NEGR1: variants seen among roughly 807,000 people sequenced by gnomAD.
The protein encoded by NEGR1 is neuronal growth regulator 1.
NEGR1 carries 10 observed loss-of-function variants against 40.9 expected under a neutral mutation model. That is an observed-to-expected ratio of 0.24 (90% confidence interval 0.15 to 0.42). The LOEUF (loss-of-function observed/expected upper bound fraction) is 0.42, where lower values mean the gene tolerates loss of function less well. NEGR1 is among the 10% of genes least tolerant of loss of function. The pLI, the probability that NEGR1 is intolerant of heterozygous loss-of-function variation, is 1.00. For synonymous variants in NEGR1, 185 were observed against 166.8 expected, an observed-to-expected ratio of 1.11 and a Z score of -0.84; for missense variants, 352 against 438.9, an observed-to-expected ratio of 0.80 and a Z score of 1.77.
chr1:72,177,774 T>G (rs1404301799), intron 1 of NEGR1, among the ~76,000 whole-genome samples: 1 of 151,634 alleles, frequency 6.6e-6, no homozygotes, highest in Non-Finnish European at 1.5e-5. Context: ...GTTTTTGTTT[T>G]TTTTTTTTTG....
At chr1:71,523,938 T>C (rs1647184476) in intron 6 of NEGR1, among the ~76,000 whole-genome samples, 1 of 151,832 alleles carries the variant, frequency 6.6e-6, no homozygotes, top group Admixed American at 6.6e-5. Context: ...ATTAGAGGGC[T>C]CATATTCTAA....
chr1:72,161,676 C>CTTTTT lies in NEGR1; in HGVS notation c.176+120638_176+120642dup, dbSNP rs779074685. On this transcript the variant is annotated intron_variant, in intron 1 of 6. Transcript: ENST00000357731. Reference sequence around the variant, plus strand: ...TTATTTATTTTTTCTTTCTTTCTTTCTTTTTTTTTTTTTTTTTTTTTGAGA... The same window carrying CTTTTT: ...TTATTTATTTTTTCTTTCTTTCTTTCTTTTTTTTTTTTTTTTTTTTTTTTTTGAGA... 5.6e-3 allele frequency among the ~76,000 whole-genome samples: 470 copies of CTTTTT among 84,536 alleles called. 2 individuals are homozygous for CTTTTT. The highest frequency in any genetic ancestry group is 6.6e-3 in the Non-Finnish European group (303 of 45,866). 55.5% of individuals were successfully genotyped at this position (84,536 alleles called of 152,430 possible). A position where few individuals can be genotyped will look rare whatever the true frequency, so the allele number is the denominator to read the frequency against.
intron 4 of NEGR1, among the ~76,000 whole-genome samples, chr1:71,669,380 A>T: frequency 6.6e-6 from 1 of 151,914 alleles, no homozygotes; most frequent in East Asian, 1.9e-4. Context: ...TGTTTTTTAA[A>T]ATCTACTTAT....
chr1:71,851,408 A>C (rs1191424176), intron 2 of NEGR1, among the ~76,000 whole-genome samples: 1 of 152,132 alleles, frequency 6.6e-6, no homozygotes, highest in Non-Finnish European at 1.5e-5. Flanking sequence ...AAAAATGCAA[A>C]TTTTCTTTTA....
chr1:71,926,716 A>C (rs939041592), intron 2 of NEGR1, among the ~76,000 whole-genome samples: 8 of 152,114 alleles, frequency 5.3e-5, no homozygotes, highest in African/African-American at 1.9e-4. Flanking sequence ...AAAATGTAAA[A>C]GAAAATATTA....
At chr1:71,483,027 A>C (rs1646864322) in intron 6 of NEGR1, among the ~76,000 whole-genome samples, 1 of 151,780 alleles carries the variant, frequency 6.6e-6, no homozygotes, top group South Asian at 2.1e-4. Context: ...TGGAAAGCGG[A>C]TAGTCAGGAT....
intron 1 of NEGR1, among the ~76,000 whole-genome samples, chr1:72,143,752 T>A: frequency 6.7e-6 from 1 of 149,542 alleles, no homozygotes; most frequent in East Asian, 1.9e-4. Flanking sequence ...AAAATTTTGA[T>A]CTATATACAC....
At chr1:72,249,433 T>C (rs1372092830) in intron 1 of NEGR1, among the ~76,000 whole-genome samples, 1 of 152,204 alleles carries the variant, frequency 6.6e-6, no homozygotes. Context: ...AAATATGATG[T>C]GAAATAAGTA....
chr1:72,163,385 T>A lies in NEGR1; in HGVS notation c.176+118934A>T, dbSNP rs115444844. On this transcript the variant is annotated intron_variant, in intron 1 of 6. Transcript: ENST00000357731. The stretch of plus-strand genomic sequence containing the variant: ...GTATGCATTTAAAGTATTACTGATG[T>A]TATTTTTTGCTTTTTCTTTTACTTG... 3.6e-3 allele frequency among the ~76,000 whole-genome samples: 543 copies of A among 152,222 alleles called. 3 individuals are homozygous for A. Among genetic ancestry groups the A allele is most frequent in the African/African-American group, 0.012 (515 of 41,548 alleles).
At chr1:71,745,069 C>T (rs1334599663) in intron 3 of NEGR1, among the ~76,000 whole-genome samples, 1 of 152,074 alleles carries the variant, frequency 6.6e-6, no homozygotes, top group Non-Finnish European at 1.5e-5. Context: ...TTATCTTATC[C>T]TTCTTCCTTG....
intron 2 of NEGR1, among the ~76,000 whole-genome samples, chr1:71,790,795 A>G (rs1657088204): frequency 6.6e-6 from 1 of 152,244 alleles, no homozygotes; most frequent in South Asian, 2.1e-4. Flanking sequence ...GGATTTTTCA[A>G]CTGTGCATTC....
intron 1 of NEGR1, among the ~76,000 whole-genome samples, chr1:72,098,425 C>G (rs1339256561): frequency 6.6e-6 from 1 of 152,120 alleles, no homozygotes; most frequent in Non-Finnish European, 1.5e-5. Flanking sequence ...AACACGAAGG[C>G]TGTTTTTTAA....
At position 71,868,131 on chromosome 1, in the gene NEGR1, T is replaced by C. The variant is rs560330730; in HGVS notation, c.409+66948A>G. Among the ~76,000 whole-genome samples, 9 of 152,296 alleles carry C rather than the reference T, an allele frequency of 5.9e-5. No individual in the cohort carries two copies. The South Asian group carries it at 1.9e-3, about 32-fold the overall frequency. ...AATCTTTGTCAATGTCAGTATACCATGTCTAATCAGCAAGAAATATAAATC... is the reference window on the plus strand; with the variant it reads ...AATCTTTGTCAATGTCAGTATACCACGTCTAATCAGCAAGAAATATAAATC... On this transcript the variant is annotated intron_variant, in intron 2 of 6. Transcript: ENST00000357731.
At chr1:71,896,122 C>A (rs1446094642) in intron 2 of NEGR1, among the ~76,000 whole-genome samples, 3 of 150,260 alleles carry the variant, frequency 2.0e-5, no homozygotes, top group African/African-American at 7.4e-5. Flanking sequence ...ACTGCAACCT[C>A]CTCCTCCCGA....
Position 71,396,325 on chromosome 1 carries a change from C to T in NEGR1, c.*11121G>A, listed in dbSNP as rs1037670406. On this transcript the variant is annotated 3_prime_UTR_variant, in exon 7 of 7. Coordinates refer to ENST00000357731, the MANE Select transcript of NEGR1 (RefSeq NM_173808.3). ...ACCAGGTAATTCTTTTTAGACAGCT[C>T]TTCAGAGGTCACCTAAATCATATTT... is the stretch of plus-strand genomic sequence containing the variant. 2.0e-5 allele frequency: 3 copies of T among 152,152 alleles called. No homozygotes were observed. Among genetic ancestry groups the T allele is most frequent in the Admixed American group, 6.5e-5 (1 of 15,268 alleles). The allele number at this position is 152,152 out of a possible 1,614,324, so 9.4% of individuals were successfully genotyped here. A position where few individuals can be genotyped will look rare whatever the true frequency, so the allele number is the denominator to read the frequency against.
At chr1:71,719,348 A>G (rs1654377870) in intron 3 of NEGR1, among the ~76,000 whole-genome samples, 1 of 152,220 alleles carries the variant, frequency 6.6e-6, no homozygotes, top group Non-Finnish European at 1.5e-5. Context: ...AAATGAAAGA[A>G]CAATAGAACA....
rs1232362227 is a variant in NEGR1 at position 71,575,288 on chromosome 1, C to T, written c.940+17529G>A. ...TAGAGAAATAGCTACAAAGCATCAACCTTGACATCAAAGAAGACTAACACA... is the reference window on the plus strand; with the variant it reads ...TAGAGAAATAGCTACAAAGCATCAATCTTGACATCAAAGAAGACTAACACA... On this transcript the variant is annotated intron_variant, in intron 6 of 6. Coordinates refer to ENST00000357731, the MANE Select transcript of NEGR1 (RefSeq NM_173808.3). Among the ~76,000 whole-genome samples, 4 of 152,182 alleles carry T rather than the reference C, an allele frequency of 2.6e-5. No homozygotes were observed. In the East Asian group the frequency reaches 7.7e-4, roughly 29 times the overall value.
chr1:72,127,130 C>A (rs963071677), intron 1 of NEGR1, among the ~76,000 whole-genome samples: 12 of 152,202 alleles, frequency 7.9e-5, no homozygotes, highest in African/African-American at 2.9e-4. Flanking sequence ...ATACTGACAG[C>A]AATAATGTAT....
At chr1:71,986,666 T>A (rs1223933754) in intron 1 of NEGR1, among the ~76,000 whole-genome samples, 1 of 152,054 alleles carries the variant, frequency 6.6e-6, no homozygotes, top group Non-Finnish European at 1.5e-5. Context: ...TCAAAATAAC[T>A]TTCAAGCATC....
Sources: gnomAD v4.1 joint callset for allele counts (sites outside exome capture counted in the v4.1 genomes callset) on GRCh38, gnomAD v4.1.1 for gene constraint, MANE v1.5 for transcripts, NCBI Gene and HGNC (gene_info 2026-07-23, HGNC 2026-07-21) for gene names.